Variants in LCT observed in about 807,000 individuals in gnomAD.
LCT encodes lactase.
LCT carries 90 observed loss-of-function variants against 173.0 expected under a neutral mutation model. The ratio of observed to expected loss-of-function variants is 0.52; its 90% confidence interval spans 0.44 to 0.62. LCT has a LOEUF of 0.62. Ranked by LOEUF, LCT falls within the 20% of genes least tolerant of loss-of-function variation. LCT has a pLI of 0.00. For missense variants in LCT, 1,864 were observed against 2,431.4 expected (o/e 0.77, Z 4.91); for synonymous variants, 853 against 957.6 (o/e 0.89, Z 2.02).
chr2:135,802,701 G>C (rs1373874964), intron 11 of LCT, among the ~76,000 whole-genome samples: 1 of 152,184 alleles, frequency 6.6e-6, no homozygotes, highest in Non-Finnish European at 1.5e-5. Flanking sequence ...GATTATTAGA[G>C]GATGGGAAGG....
At chr2:135,833,033 C>T in intron 2 of LCT, 78 bp downstream of exon 2, 2 of 1,127,890 alleles carry the variant, frequency 1.8e-6, no homozygotes, top group South Asian at 1.2e-5. Flanking sequence ...ACCAATAGAC[C>T]AAAACTTCTC....
At chr2:135,836,468 G>A (rs542638374) in intron 1 of LCT, 62 bp downstream of exon 1, 3 of 1,457,950 alleles carry the variant, frequency 2.1e-6, no homozygotes, top group Non-Finnish European at 2.9e-6. Context: ...GCTCTAAGGA[G>A]GATGGGGAAG....
Position 135,804,854 on chromosome 2 carries a change from A to T in LCT, c.4377T>A (p.Asp1459Glu). The change falls in exon 10 of 17, where the codon GAT (aspartate) becomes GAA (glutamate). Residue 1459 changes from aspartate (D) to glutamate (E), a missense_variant. Transcript: ENST00000264162. ...FSISWSRILP[D>E]GTTRYINEAG... ...CTTCATTGATGTACCTGGTGGTTCC[A>T]TCAGGGAGGATGCGAGACCAGGAGA... is the stretch of plus-strand genomic sequence containing the variant. 1 of 1,614,154 alleles carries T rather than the reference A, an allele frequency of 6.2e-7. No individual in the cohort carries two copies. The highest frequency in any genetic ancestry group is 8.5e-7 in the Non-Finnish European group (1 of 1,180,028).
intron 5 of LCT, among the ~76,000 whole-genome samples, chr2:135,819,522 G>A (rs755178516): frequency 8.5e-5 from 13 of 152,154 alleles, no homozygotes; most frequent in South Asian, 2.1e-4. Flanking sequence ...GGCCCACAGC[G>A]CAGAACTGGG....
At chr2:135,796,193 G>A (rs1258437357) in intron 13 of LCT, among the ~76,000 whole-genome samples, 1 of 152,216 alleles carries the variant, frequency 6.6e-6, no homozygotes, top group Non-Finnish European at 1.5e-5. Context: ...GGAGACCTGG[G>A]GCTTCTGGTT....
intron 13 of LCT, among the ~76,000 whole-genome samples, chr2:135,797,007 G>A (rs558516289): frequency 3.5e-4 from 53 of 149,914 alleles, no homozygotes; most frequent in African/African-American, 1.3e-3. Context: ...GAGTGCAGTG[G>A]CATGATCTCG....
chr2:135,801,215 C>A (rs754743587), intron 11 of LCT, among the ~76,000 whole-genome samples: 2 of 152,232 alleles, frequency 1.3e-5, no homozygotes, highest in South Asian at 4.1e-4. Context: ...AATCTAAAGC[C>A]CCCAATTTAA....
In LCT at chr2:135,808,615, T is replaced by G; in HGVS notation, c.3732A>C (p.Ala1244=). The G allele has an allele frequency of 6.2e-7, 1 of 1,614,202 alleles. No individual in the cohort carries two copies. The highest frequency in any genetic ancestry group is 8.5e-7 in the Non-Finnish European group (1 of 1,180,032). ...EEEDPSWPST[A]MNRAAPWGTR... is the part of the protein sequence containing the mutation. Reference sequence around the variant, plus strand: ...TCCCCCAGGGCGCAGCTCTGTTCATTGCCGTGGAAGGCCACGAAGGGTCCT... The same window carrying G: ...TCCCCCAGGGCGCAGCTCTGTTCATGGCCGTGGAAGGCCACGAAGGGTCCT... Residue 1244 remains alanine (A), a synonymous_variant, in exon 8 of 17, where the codon GCA becomes GCC. Coordinates refer to ENST00000264162, the MANE Select transcript of LCT (RefSeq NM_002299.4).
In LCT at chr2:135,822,048, G is replaced by C. The variant is rs1314589453; in HGVS notation, c.958C>G (p.Leu320Val). ...TTCTTGGAACTTGATGAACAACTCA[G>C]AAACTCATTAATATCAAACCCAATG... Reference protein sequence around the residue: ...LTIGFDINEFLSCSSSSKKSM... With the variant: ...LTIGFDINEFVSCSSSSKKSM... The change falls in exon 5 of 17, where the codon CTG becomes GTG. Residue 320 changes from leucine to valine, a missense_variant. Transcript: ENST00000264162. 6.2e-7 allele frequency: 1 copy of C among 1,609,188 alleles called. No homozygotes were observed. Among genetic ancestry groups the C allele is most frequent in the Non-Finnish European group, 8.5e-7 (1 of 1,175,496 alleles).
rs187637432 is a variant in LCT at position 135,811,816 on chromosome 2, C to T, written c.2353+495G>A. 2.2e-3 allele frequency among the ~76,000 whole-genome samples: 335 copies of T among 151,582 alleles called. 1 individual carries two copies. Among genetic ancestry groups the T allele is most frequent in the African/African-American group, 7.7e-3 (319 of 41,240 alleles). On this transcript the variant is annotated intron_variant, in intron 7 of 16. Transcript: ENST00000264162. ...GGACACTGGGTCAGGCATGGTGGCT[C>T]ATGCCTGTAGTCCCAACACTTTGGG...
At chr2:135,824,359 G>A (rs1025499184) in intron 3 of LCT, among the ~76,000 whole-genome samples, 4 of 152,148 alleles carry the variant, frequency 2.6e-5, no homozygotes, top group Middle Eastern at 3.2e-3. Flanking sequence ...ATCTATGGAT[G>A]TCTGGGATTT....
Position 135,790,767 on chromosome 2 carries a change from G to A in LCT, c.5226C>T (p.Asp1742=). 1 of 1,613,402 alleles carries A rather than the reference G, an allele frequency of 6.2e-7. No homozygotes were observed. Among genetic ancestry groups the A allele is most frequent in the Non-Finnish European group, 8.5e-7 (1 of 1,179,448 alleles). The change falls in exon 15 of 17, where the codon GAC becomes GAT. Residue 1742 remains aspartate (D), a synonymous_variant. Coordinates refer to ENST00000264162, the MANE Select transcript of LCT (RefSeq NM_002299.4). The surrounding 1 kb of genome is among the most constrained non-coding windows in gnomAD (Gnocchi z 4.1). ...CATTCTCTGTGACATAAATTGGAGG[G>A]TCATTGTATTCCTCCTTTAACCAGT... ...ILNWLKEEYN[D]PPIYVTENGV...
In LCT at chr2:135,809,771, T is replaced by C. The variant is rs2077718206; in HGVS notation, c.2576A>G (p.Asn859Ser). 4 of 1,614,112 alleles carry C rather than the reference T, an allele frequency of 2.5e-6. No individual in the cohort carries two copies. The East Asian group carries it at 8.9e-5, about 36-fold the overall frequency. ...GACTTTGGAGGGGAGGTTTACTGTATTAGGTGGTAGCAGTCTTTTTGCCCC... is the reference window on the plus strand; with the variant it reads ...GACTTTGGAGGGGAGGTTTACTGTACTAGGTGGTAGCAGTCTTTTTGCCCC... The part of the protein sequence containing the change: ...TKGAKRLLPP[N>S]TVNLPSKVRA... Residue 859 changes from asparagine (N) to serine (S), a missense_variant, in exon 8 of 17, where the codon AAT becomes AGT. Around this residue, in one of 4 missense-constraint regions of LCT, gnomAD observed 755 missense variants for 926.3 expected, o/e 0.82. Coordinates refer to ENST00000264162, the MANE Select transcript of LCT (RefSeq NM_002299.4). This position sits in a 1 kb window ranked among gnomAD's most constrained non-coding sequence, Gnocchi z 5.5.
rs148298513 is a variant in LCT at position 135,807,414 on chromosome 2, G to A, written c.3905-18C>T. The A allele has an allele frequency of 8.7e-4, 1,405 of 1,613,754 alleles. 5 individuals are homozygous for A. Among genetic ancestry groups the A allele is most frequent in the Non-Finnish European group, 9.4e-4 (1,106 of 1,179,902 alleles). ...CCTGTAGGCTGGGAACATCCCAAAG[G>A]GAGCAGAGGAGAGCTTGACACCAGG... On this transcript the variant is annotated intron_variant, in intron 8 of 16. Coordinates refer to ENST00000264162, the MANE Select transcript of LCT (RefSeq NM_002299.4).
rs1211354146 is a variant in LCT at position 135,807,189 on chromosome 2, T to C, written c.4112A>G (p.Glu1371Gly). The C allele has an allele frequency of 1.9e-6, 3 of 1,614,074 alleles. No individual in the cohort carries two copies. Among genetic ancestry groups the C allele is most frequent in the African/African-American group, 1.3e-5 (1 of 74,930 alleles). The part of the protein sequence containing the change: ...NNGMPLARED[E>G]FLYGRFPEGF... ...CTCAGGAAACCGTCCGTACAGAAAC[T>C]CATCCTCCCTGGCCAGTGGCATGCC... The change falls in exon 9 of 17, where the codon GAG (glutamate) becomes GGG (glycine). Residue 1371 changes from glutamate (E) to glycine (G), a missense_variant. By Grantham distance (98) the Glu-to-Gly change is moderately conservative. Around this residue, in one of 4 missense-constraint regions of LCT, gnomAD observed 514 missense variants for 750.1 expected, o/e 0.69. Coordinates refer to ENST00000264162, the MANE Select transcript of LCT (RefSeq NM_002299.4).
chr2:135,817,755 G>A lies in LCT; in HGVS notation c.1293C>T (p.Asp431=). 6.2e-7 allele frequency: 1 copy of A among 1,614,040 alleles called. No individual in the cohort carries two copies. Among genetic ancestry groups the A allele is most frequent in the Non-Finnish European group, 8.5e-7 (1 of 1,180,024 alleles). Residue 431 remains aspartate (D), a synonymous_variant, in exon 6 of 17, where the codon GAC becomes GAT. Coordinates refer to ENST00000264162, the MANE Select transcript of LCT (RefSeq NM_002299.4). ...EGQATLEVAS[D]SYHKVASDVA... is the part of the protein sequence containing the mutation. The stretch of plus-strand genomic sequence containing the variant: ...CGTCAGAGGCTACCTTGTGGTAACT[G>A]TCGCTGGCCACCTCCAGCGTCGCTT...
At chr2:135,812,024 A>G (rs2077738095) in intron 7 of LCT, among the ~76,000 whole-genome samples, 1 of 152,164 alleles carries the variant, frequency 6.6e-6, no homozygotes, top group Non-Finnish European at 1.5e-5. Flanking sequence ...GGCTGCAGTG[A>G]GCGATGTTTA....
chr2:135,824,975 A>G (rs2077872868), intron 3 of LCT, among the ~76,000 whole-genome samples: 1 of 148,544 alleles, frequency 6.7e-6, no homozygotes, highest in African/African-American at 2.5e-5. Context: ...CTGGGCAACA[A>G]GAGCCAGGCT....
In LCT at chr2:135,802,244, A is replaced by T. The variant is rs556331841; in HGVS notation, c.4664-1435T>A. On this transcript the variant is annotated intron_variant, in intron 11 of 16. Transcript: ENST00000264162. ...TGAGGAATCACATGAATGAACACAA[A>T]TTTATTCTTATTAACTCAGAACTAG... Among the ~76,000 whole-genome samples the T allele has an allele frequency of 2.0e-5, 3 of 152,340 alleles. No individual in the cohort carries two copies. The South Asian group carries it at 6.2e-4, about 32-fold the overall frequency.
Sources: gnomAD v4.1 joint callset for allele counts (sites outside exome capture counted in the v4.1 genomes callset) on GRCh38, gnomAD v4.1.1 for gene constraint, gnomAD v4.1.1 regional missense constraint, Gnocchi (gnomAD v3.1) non-coding constraint, MANE v1.5 for transcripts, NCBI Gene and HGNC (gene_info 2026-07-23, HGNC 2026-07-21) for gene names.